The following ZNF106 variants were observed in gnomAD, a reference collection of about 807,000 sequenced individuals.
ZNF106 encodes the protein zinc finger protein 106.
ZNF106 carries 67 observed loss-of-function variants against 195.1 expected under a neutral mutation model. That is an observed-to-expected ratio of 0.34 (90% CI 0.28 to 0.42). ZNF106 has a LOEUF of 0.42. Among genes scored for constraint, ZNF106 ranks in the 10% least tolerant of loss-of-function variants. The pLI is 1.00. For synonymous variants in ZNF106, 784 were observed against 818.6 expected, an observed-to-expected ratio of 0.96 and a Z score of 0.72; for missense variants, 2,118 against 2,304.5, an observed-to-expected ratio of 0.92 and a Z score of 1.66.
At position 42,446,571 on chromosome 15, in the gene ZNF106, A is replaced by G; in HGVS notation, c.3205+18T>C. ...AAAAAACACCAACTTCTTTCTTCCA[A>G]AATATTCTGCACCATACCTTTTTTT... is the stretch of plus-strand genomic sequence containing the variant. On this transcript the variant is annotated intron_variant, in intron 7 of 21. Transcript: ENST00000564754. 1 of 1,575,688 alleles carries G rather than the reference A, an allele frequency of 6.3e-7. No homozygotes were observed. Among genetic ancestry groups the G allele is most frequent in the Non-Finnish European group, 8.6e-7 (1 of 1,157,418 alleles).
intron 2 of ZNF106, among the ~76,000 whole-genome samples, chr15:42,469,820 A>C (rs1045228323): frequency 6.6e-5 from 10 of 151,542 alleles, no homozygotes; most frequent in African/African-American, 2.2e-4. Flanking sequence ...CCTAGACAGC[A>C]GGGTAAGACC....
chr15:42,421,078 G>T lies in ZNF106; in HGVS notation c.5500C>A (p.Gln1834Lys), dbSNP rs1431438964. 6.2e-7 allele frequency: 1 copy of T among 1,614,110 alleles called. No individual in the cohort carries two copies. The highest frequency in any genetic ancestry group is 8.5e-7 in the Non-Finnish European group (1 of 1,180,020). The part of the protein sequence containing the change: ...SIQAVRLNLM[Q>K]NYRCWWHGCS... ...CTCCTTACCCAACAGCGGTAATTCT[G>T]CATCAGATTAAGCCTCACGGCCTGA... The change falls in exon 20 of 22, where the codon CAG (glutamine) becomes AAG (lysine). Residue 1834 changes from glutamine (Q) to lysine (K), a missense_variant. Transcript: ENST00000564754.
In ZNF106 at chr15:42,417,347, T is replaced by C; in HGVS notation, c.5678A>G (p.His1893Arg). ...RKGSKQDAAG[H>R]IERHAEDDSK... ...GTCATCTTCAGCATGTCGTTCAATA[T>C]GTCCTGCAGCATCCTAGGAATGAAG... The change falls in exon 22 of 22, where the codon CAT (histidine) becomes CGT (arginine). Residue 1893 changes from histidine to arginine, a missense_variant. Transcript: ENST00000564754. The C allele has an allele frequency of 6.2e-7, 1 of 1,614,072 alleles. No individual in the cohort carries two copies. The highest frequency in any genetic ancestry group is 8.5e-7 in the Non-Finnish European group (1 of 1,179,982).
chr15:42,468,208 C>A (rs925842456), intron 2 of ZNF106, among the ~76,000 whole-genome samples: 3 of 151,200 alleles, frequency 2.0e-5, no homozygotes, highest in African/African-American at 7.3e-5. Context: ...TCCTGAGTAG[C>A]CTCGATTACA....
chr15:42,456,896 A>G (rs1218186459), intron 4 of ZNF106, 62 bp downstream of exon 4: 4 of 1,464,346 alleles, frequency 2.7e-6, no homozygotes, highest in Non-Finnish European at 3.7e-6. Context: ...ACAAAGATAT[A>G]AAATATATTC....
In ZNF106 at chr15:42,422,614, C is replaced by T; in HGVS notation, c.5260G>A (p.Glu1754Lys). The change falls in exon 18 of 22, where the codon GAG (glutamate) becomes AAG (lysine). Residue 1754 changes from glutamate (E) to lysine (K), a missense_variant. Transcript: ENST00000564754. ...SVHAHNIHTGELVRIYKGHNH... is the reference protein window; with the variant it reads ...SVHAHNIHTGKLVRIYKGHNH... The stretch of plus-strand genomic sequence containing the variant: ...TGACCTTTATAGATCCGCACGAGCT[C>T]ACCAGTCTATGTCAGAAGAGAAGTA... The T allele has an allele frequency of 6.2e-7, 1 of 1,609,980 alleles. No homozygotes were observed. Among genetic ancestry groups the T allele is most frequent in the African/African-American group, 1.3e-5 (1 of 74,736 alleles).
intron 1 of ZNF106, among the ~76,000 whole-genome samples, chr15:42,478,442 A>G (rs937250684): frequency 5.3e-5 from 8 of 151,486 alleles, no homozygotes; most frequent in Non-Finnish European, 8.8e-5. Context: ...GATTACAGGC[A>G]TGAGCCACTG....
Position 42,435,528 on chromosome 15 carries a change from A to C in ZNF106, c.4747-10T>G. 1 of 1,614,170 alleles carries C rather than the reference A, an allele frequency of 6.2e-7. No individual in the cohort carries two copies. The highest frequency in any genetic ancestry group is 8.5e-7 in the Non-Finnish European group (1 of 1,179,990). ...CAATACATTTCCGACTCTAAAGTTT[A>C]AGCACAGACCAGATTATTACTTATG... On this transcript the variant is annotated splice_polypyrimidine_tract_variant and intron_variant, in intron 13 of 21. Transcript: ENST00000564754.
chr15:42,441,269 G>C (rs2055527222), intron 10 of ZNF106, among the ~76,000 whole-genome samples: 1 of 151,112 alleles, frequency 6.6e-6, no homozygotes, highest in African/African-American at 2.4e-5. Flanking sequence ...ACTGAGCCCA[G>C]GAGGTCAAGC....
chr15:42,450,879 G>A lies in ZNF106; in HGVS notation c.1393C>T (p.His465Tyr). Reference protein sequence around the residue: ...CPTAEKPEQEHTPNKMPSLKS... With the variant: ...CPTAEKPEQEYTPNKMPSLKS... Reference sequence around the variant, plus strand: ...AATGATGGCATTTTATTTGGTGTATGCTCTTGTTCAGGTTTTTCTGCAGTG... The same window carrying A: ...AATGATGGCATTTTATTTGGTGTATACTCTTGTTCAGGTTTTTCTGCAGTG... Residue 465 changes from histidine (H) to tyrosine (Y), a missense_variant, in exon 5 of 22, where the codon CAT becomes TAT. By Grantham distance (83) the His-to-Tyr change is moderately conservative. Transcript: ENST00000564754. 1 of 1,614,190 alleles carries A rather than the reference G, an allele frequency of 6.2e-7. No individual in the cohort carries two copies. Among genetic ancestry groups the A allele is most frequent in the East Asian group, 2.2e-5 (1 of 44,888 alleles).
At chr15:42,428,619 G>C (rs1430749488) in intron 14 of ZNF106, among the ~76,000 whole-genome samples, 2 of 152,114 alleles carry the variant, frequency 1.3e-5, no homozygotes, top group South Asian at 4.1e-4. Flanking sequence ...TTACTCAAGA[G>C]GCTTTTAAAA....
intron 1 of ZNF106, among the ~76,000 whole-genome samples, chr15:42,487,490 CAAAAAAAAAA>C (rs961444853): frequency 2.0e-4 from 9 of 44,726 alleles, no homozygotes; most frequent in African/African-American, 7.9e-4. Context: ...GACCCTGTCT[CAAAAAAAAAA>C]AAAAAAAAAA....
intron 17 of ZNF106, among the ~76,000 whole-genome samples, chr15:42,422,851 G>A (rs2054719495): frequency 1.3e-5 from 2 of 151,856 alleles, no homozygotes. Context: ...TATCCTGATG[G>A]AAAGACTCTA....
Position 42,491,075 on chromosome 15 carries a change from G to C in ZNF106, c.-128C>G, listed in dbSNP as rs1034533055. The C allele has an allele frequency of 6.6e-6, 1 of 152,206 alleles. No individual in the cohort carries two copies. The highest frequency in any genetic ancestry group is 1.9e-4 in the East Asian group (1 of 5,176). 9.4% of individuals were successfully genotyped at this position (152,206 alleles called of 1,614,324 possible). On this transcript the variant is annotated 5_prime_UTR_variant, in exon 1 of 22. Coordinates refer to ENST00000564754, the MANE Select transcript of ZNF106 (RefSeq NM_001366845.3). ...ACGCCCCCTTCAGTTTTGGGTCCGG[G>C]AGCCTGCTCCGGACCCGCTCCCCGC...
At chr15:42,467,469 G>C (rs1432191335) in intron 2 of ZNF106, among the ~76,000 whole-genome samples, 1 of 152,108 alleles carries the variant, frequency 6.6e-6, no homozygotes, top group Non-Finnish European at 1.5e-5. Context: ...GCCAAGAATA[G>C]AGCTAGGCAT....
In ZNF106 at chr15:42,450,621, C is replaced by G; in HGVS notation, c.1651G>C (p.Gly551Arg). ...KSTFGSQKQS[G>R]DNLNDTLRKA... ...CGTAAAGTATCATTTAAATTATCACCAGATTGCTTTTGAGAGCCAAATGTA... is the reference window on the plus strand; with the variant it reads ...CGTAAAGTATCATTTAAATTATCACGAGATTGCTTTTGAGAGCCAAATGTA... Residue 551 changes from glycine to arginine, a missense_variant, in exon 5 of 22, where the codon GGT (glycine) becomes CGT (arginine). Transcript: ENST00000564754. 2 of 1,614,126 alleles carry G rather than the reference C, an allele frequency of 1.2e-6. No homozygotes were observed. Among genetic ancestry groups the G allele is most frequent in the Non-Finnish European group, 1.7e-6 (2 of 1,180,028 alleles).
At position 42,450,752 on chromosome 15, in the gene ZNF106, C is replaced by T; in HGVS notation, c.1520G>A (p.Gly507Glu). ...CTTGTTCGAGGGATTTGAGTGTTCT[C>T]CAGGGGAAAAAAAATTTGTTTTGGT... The part of the protein sequence containing the change: ...KNTKTNFFSP[G>E]EHSNPSNKPT... The change falls in exon 5 of 22, where the codon GGA becomes GAA. Residue 507 changes from glycine (G) to glutamate (E), a missense_variant. Gly to Glu is a moderately conservative substitution (Grantham distance 98). Transcript: ENST00000564754. The T allele has an allele frequency of 1.2e-6, 2 of 1,613,984 alleles. No homozygotes were observed. Among genetic ancestry groups the T allele is most frequent in the Non-Finnish European group, 1.7e-6 (2 of 1,179,984 alleles).
chr15:42,427,576 TTTC>T (rs1168320282), intron 15 of ZNF106: 2 of 155,280 alleles, frequency 1.3e-5, no homozygotes, highest in South Asian at 2.0e-4. Flanking sequence ...TAAGTTCATT[TTTC>T]TTCATTTTTT....
chr15:42,477,273 C>T (rs922354938), intron 1 of ZNF106, among the ~76,000 whole-genome samples: 6 of 152,150 alleles, frequency 3.9e-5, no homozygotes, highest in African/African-American at 1.4e-4. Context: ...AGTCTTTAGG[C>T]CTTTTTTCTT....
Sources: allele counts gnomAD v4.1 joint callset (sites outside exome capture counted in the v4.1 genomes callset), GRCh38; gene constraint gnomAD v4.1.1; transcripts MANE v1.5; gene names NCBI Gene and HGNC (gene_info 2026-07-23, HGNC 2026-07-21).